Variants in PLK5 observed in about 807,000 individuals in gnomAD.
PLK5 encodes inactive serine/threonine-protein kinase PLK5.
In PLK5, 28 loss-of-function variants were observed where a neutral mutation model predicts 33.7. The ratio of observed to expected loss-of-function variants is 0.83; its 90% CI spans 0.62 to 1.14. PLK5 has a LOEUF of 1.14. PLK5 is among the 50% of genes most tolerant of loss of function. The probability of loss-of-function intolerance (pLI) is 0.00; values close to 1 mark genes in which losing one functional copy is unlikely to be tolerated. For synonymous variants in PLK5, 225 were observed against 202.2 expected (o/e 1.11, Z -0.96); for missense variants, 492 against 461.5 (o/e 1.07, Z -0.61).
At chr19:1,528,796 GCT>G (rs1913836243) in intron 8 of PLK5, 100 bp from the exon 9 acceptor site, 19 of 986,364 alleles carry the variant, frequency 1.9e-5, no homozygotes, top group Non-Finnish European at 2.3e-5. Flanking sequence ...CACCTGCTCC[GCT>G]CTGTCTCCAC....
At chr19:1,532,521 C>T (rs61126914) in intron 12 of PLK5, among the ~76,000 whole-genome samples, 8,220 of 118,752 alleles carry the variant, frequency 0.069, 722 homozygotes, top group African/African-American at 0.23. Context: ...AAATTTTCTT[C>T]TTTTTTTTTT....
At chr19:1,528,734 CCACCTGCCCA>C (rs1913833832) in intron 8 of PLK5, among the ~76,000 whole-genome samples, 154 bp from the exon 9 acceptor site, 1 of 149,890 alleles carries the variant, frequency 6.7e-6, no homozygotes, top group South Asian at 2.1e-4. Flanking sequence ...CTACCTGCCC[CCACCTGCCCA>C]CACCTCCCGC....
In PLK5 at chr19:1,529,490, G is replaced by T. The variant is rs1363759070; in HGVS notation, c.490G>T (p.Gly164Trp). The change falls in exon 10 of 14, where the codon GGG becomes TGG. Residue 164 changes from glycine to tryptophan, a missense_variant and splice_region_variant. Transcript: ENST00000454744. ...AGGGACCCTGCAGAGTGACCTGGCC[G>T]GTGAGCAGATCCCCGTCCCAGCCCG... ...AQGTLQSDLA[G>W]PEGSRRPEVE... 1 of 1,535,314 alleles carries T rather than the reference G, an allele frequency of 6.5e-7. No homozygotes were observed. The highest frequency in any genetic ancestry group is 8.7e-7 in the Non-Finnish European group (1 of 1,146,352).
chr19:1,534,934 G>A (rs1462565959), intron 13 of PLK5, 131 bp from the exon 14 acceptor site: 3 of 830,714 alleles, frequency 3.6e-6, no homozygotes, highest in Non-Finnish European at 5.3e-6. Context: ...GAGTTCCTGT[G>A]GCTGGGGCAG....
rs902984400 is a variant in PLK5, at chr19:1,527,007, G to A, written c.2+9G>A. On this transcript the variant is annotated intron_variant, in intron 6 of 13. Transcript: ENST00000454744. ...GCTCTGGGCTGCATCATGTGAGTGG[G>A]GTCCTGGAGAAGGTGGGCAGGGCCT... 6.5e-7 allele frequency: 1 copy of A among 1,531,298 alleles called. No homozygotes were observed. Among genetic ancestry groups the A allele is most frequent in the Non-Finnish European group, 8.7e-7 (1 of 1,145,048 alleles). The allele number at this position is 1,531,298 out of a possible 1,614,324, so 94.9% of individuals were successfully genotyped here.
intron 11 of PLK5, among the ~76,000 whole-genome samples, chr19:1,531,158 C>T (rs912341895): frequency 6.6e-5 from 10 of 151,898 alleles, no homozygotes; most frequent in South Asian, 6.2e-4. Context: ...TGCCTGTCAT[C>T]CCAGCACTTT....
chr19:1,535,252 G>T lies in PLK5; in HGVS notation c.*2G>T. 1 of 1,534,762 alleles carries T rather than the reference G, an allele frequency of 6.5e-7. No individual in the cohort carries two copies. The highest frequency in any genetic ancestry group is 1.2e-5 in the South Asian group (1 of 83,966). ...CTCCGCATGCTGCAGAGTATCTAGT[G>T]CCCCTGAGGGTCAGAGTGGACCCCT... On this transcript the variant is annotated 3_prime_UTR_variant, in exon 14 of 14. Transcript: ENST00000454744.
chr19:1,535,201 C>A lies in PLK5; in HGVS notation c.962C>A (p.Thr321Asn). 3.3e-6 allele frequency: 5 copies of A among 1,535,492 alleles called. No individual in the cohort carries two copies. Among genetic ancestry groups the A allele is most frequent in the Middle Eastern group, 1.7e-4 (1 of 5,986 alleles). The change falls in exon 14 of 14, where the codon ACC (threonine) becomes AAC (asparagine). Residue 321 changes from threonine to asparagine, a missense_variant. Transcript: ENST00000454744. ...CCGCGGAGCCACGGCTGCGCCCCCA[C>A]CACCGGACAGCACCTTCACCACGCC... ...DVPRSHGCAP[T>N]TGQHLHHALR... is the part of the protein sequence containing the mutation.
At position 1,531,780 on chromosome 19, in the gene PLK5, C is replaced by G. The variant is rs1023481804; in HGVS notation, c.611C>G (p.Ala204Gly). 8 of 1,535,880 alleles carry G rather than the reference C, an allele frequency of 5.2e-6. No individual in the cohort carries two copies. In the Admixed American group the frequency reaches 1.6e-4, roughly 30 times the overall value. Residue 204 changes from alanine (A) to glycine (G), a missense_variant, in exon 12 of 14, where the codon GCC becomes GGC. Ala to Gly is a moderately conservative substitution (Grantham distance 60). Coordinates refer to ENST00000454744, the MANE Select transcript of PLK5 (RefSeq NM_001243079.2). ...PLGEQQPILW[A>G]PKWVDYSSKY... The stretch of plus-strand genomic sequence containing the variant: ...GGAGAGCAGCAGCCCATCCTCTGGG[C>G]CCCCAAATGGGTGGATTATTCCAGC...
chr19:1,533,007 A>AGC, intron 12 of PLK5, among the ~76,000 whole-genome samples: 2 of 149,690 alleles, frequency 1.3e-5, no homozygotes, highest in Non-Finnish European at 3.0e-5. Flanking sequence ...AAGGGTATGC[A>AGC]TCAGTAGGTC....
chr19:1,529,530 G>A (rs1417208597), intron 10 of PLK5, 40 bp downstream of exon 10: 2 of 1,512,386 alleles, frequency 1.3e-6, no homozygotes, highest in African/African-American at 1.4e-5. Context: ...TGCAGGTGGG[G>A]AGGGAGGAAT....
At chr19:1,527,163 T>G (rs1913766634) in intron 6 of PLK5, among the ~76,000 whole-genome samples, 165 bp downstream of exon 6, 2 of 146,428 alleles carry the variant, frequency 1.4e-5, no homozygotes, top group African/African-American at 5.2e-5. Flanking sequence ...TGGGGAGGCG[T>G]GTGTGAGGGA....
rs1300678027 is a variant in PLK5, at chr19:1,524,619, GTGTGTGT to G, written c.-544+374_-544+380del. ...GGTGTTCGTGTGTGTGTGTGTGTGT[GTGTGTGT>G]GTGTGTCTGGGTGTTGTGTTGCTTG... On this transcript the variant is annotated intron_variant, in intron 1 of 13. Coordinates refer to ENST00000454744, the MANE Select transcript of PLK5 (RefSeq NM_001243079.2). The surrounding 1 kb of genome is among the most constrained non-coding windows in gnomAD (Gnocchi z 4.5). Among the ~76,000 whole-genome samples, 531 of 94,464 alleles carry G rather than the reference GTGTGTGT, an allele frequency of 5.6e-3. 4 individuals carry two copies. The highest frequency in any genetic ancestry group is 0.018 in the African/African-American group (505 of 27,432). 62.0% of individuals were successfully genotyped at this position (94,464 alleles called of 152,430 possible). A position where few individuals can be genotyped will look rare whatever the true frequency, so the allele number is the denominator to read the frequency against.
At chr19:1,528,707 ACACCTGCCTACGCCTGCTACCTGCCCC>A (rs1895385859) in intron 8 of PLK5, among the ~76,000 whole-genome samples, 164 bp from the exon 9 acceptor site, 1 of 98,800 alleles carries the variant, frequency 1.0e-5, no homozygotes, top group African/African-American at 4.2e-5. Flanking sequence ...CCACCTGCCC[ACACCTGCCTACGCCTGCTACCTGCCCC>A]CACCTGCCCA....
At chr19:1,534,955 C>A in intron 13 of PLK5, 110 bp from the exon 14 acceptor site, 3 of 1,059,796 alleles carry the variant, frequency 2.8e-6, no homozygotes, top group South Asian at 1.8e-5. Flanking sequence ...GCACTAGGGG[C>A]CAGACTGGGG....
rs145924628 is a variant in PLK5, at chr19:1,525,694, G to A, written c.-330G>A. 6.5e-6 allele frequency: 1 copy of A among 152,896 alleles called. No individual in the cohort carries two copies. The highest frequency in any genetic ancestry group is 1.5e-5 in the Non-Finnish European group (1 of 68,122). 9.5% of individuals were successfully genotyped at this position (152,896 alleles called of 1,614,324 possible). ...CCGCGACCACGTGTACATGGTGCTG[G>A]AGTACTGCAGCCGCCAGGTGCCCAG... is the stretch of plus-strand genomic sequence containing the variant. On this transcript the variant is annotated 5_prime_UTR_variant, in exon 3 of 14. Coordinates refer to ENST00000454744, the MANE Select transcript of PLK5 (RefSeq NM_001243079.2).
Position 1,529,818 on chromosome 19 carries a change from C to T in PLK5, c.562C>T (p.Pro188Ser), listed in dbSNP as rs992632429. Residue 188 changes from proline (P) to serine (S), a missense_variant, in exon 11 of 14, where the codon CCC (proline) becomes TCC (serine). Pro to Ser is a moderately conservative substitution (Grantham distance 74). Coordinates refer to ENST00000454744, the MANE Select transcript of PLK5 (RefSeq NM_001243079.2). ...RHLQLCLDVG[P>S]PATQDPLGEQ... The stretch of plus-strand genomic sequence containing the variant: ...CCTGCAGCTGTGCCTGGATGTAGGC[C>T]CCCCGGGTAGGAGCCGGCCCAGCCC... The T allele has an allele frequency of 1.3e-6, 2 of 1,535,624 alleles. No homozygotes were observed. Among genetic ancestry groups the T allele is most frequent in the South Asian group, 1.2e-5 (1 of 84,022 alleles).
chr19:1,529,159 T>C, intron 9 of PLK5, 185 bp downstream of exon 9: 1 of 664,402 alleles, frequency 1.5e-6, no homozygotes, highest in African/African-American at 1.8e-5. Context: ...TGTGCCCACC[T>C]GGGCTTTCCC....
chr19:1,529,890 C>G, intron 11 of PLK5, 66 bp downstream of exon 11: 1 of 1,467,164 alleles, frequency 6.8e-7, no homozygotes, highest in East Asian at 2.5e-5. Flanking sequence ...TGCCTTCATT[C>G]CCATCCTGGG....
Sources: allele counts gnomAD v4.1 joint callset (sites outside exome capture counted in the v4.1 genomes callset), GRCh38; gene constraint gnomAD v4.1.1; non-coding constraint Gnocchi (gnomAD v3.1); transcripts MANE v1.5; gene names NCBI Gene and HGNC (gene_info 2026-07-23, HGNC 2026-07-21).